Variants in FHIT observed in about 807,000 individuals in gnomAD.
FHIT encodes fragile histidine triad diadenosine triphosphatase.
In FHIT, 19 loss-of-function variants were observed where a neutral mutation model predicts 17.9. The observed-to-expected ratio is 1.06, with a 90% confidence interval of 0.74 to 1.56. The LOEUF (loss-of-function observed/expected upper bound fraction) is 1.56, where lower values mean the gene tolerates loss of function less well. Ranked by LOEUF, FHIT falls within the 40% of genes most tolerant of loss-of-function variation. The pLI, the probability that FHIT is intolerant of heterozygous loss-of-function variation, is 0.00. For missense variants in FHIT, 248 were observed against 189.2 expected, an observed-to-expected ratio of 1.31 and a Z score of -1.82; for synonymous variants, 81 against 69.7, an observed-to-expected ratio of 1.16 and a Z score of -0.81.
intron 8 of FHIT, among the ~76,000 whole-genome samples, chr3:59,859,676 G>A (rs779574539): frequency 1.3e-4 from 20 of 152,168 alleles, no homozygotes; most frequent in African/African-American, 4.1e-4. Flanking sequence ...GCTGAAGATC[G>A]CGTCACTGCA....
intron 5 of FHIT, among the ~76,000 whole-genome samples, chr3:60,141,694 T>A (rs1247949683): frequency 6.6e-6 from 1 of 152,314 alleles, no homozygotes; most frequent in East Asian, 1.9e-4. Context: ...ATCACTAAAA[T>A]GAATGTTTTG....
In FHIT at chr3:60,267,903, A is replaced by G. The variant is rs184276130; in HGVS notation, c.104-253751T>C. On this transcript the variant is annotated intron_variant, in intron 5 of 9. Coordinates refer to ENST00000492590, the MANE Select transcript of FHIT (RefSeq NM_002012.4). ...TAGTCTAAGAAGCTATTATGTGCAC[A>G]CATATTTGAAGGACATTTTTAAAAG... Among the ~76,000 whole-genome samples the G allele has an allele frequency of 5.8e-3, 889 of 152,296 alleles. 4 individuals carry two copies. Among genetic ancestry groups the G allele is most frequent in the Middle Eastern group, 0.02 (6 of 294 alleles).
intron 4 of FHIT, among the ~76,000 whole-genome samples, chr3:60,816,806 C>T (rs1030785862): frequency 1.2e-4 from 18 of 151,856 alleles, no homozygotes; most frequent in Non-Finnish European, 1.8e-4. Flanking sequence ...AGAATTGTAC[C>T]AGCTCTTCTT....
chr3:60,477,142 T>G (rs2033387252), intron 5 of FHIT, among the ~76,000 whole-genome samples: 1 of 152,140 alleles, frequency 6.6e-6, no homozygotes, highest in Non-Finnish European at 1.5e-5. Context: ...AAAGCAAGTC[T>G]GTCATTAACC....
intron 4 of FHIT, among the ~76,000 whole-genome samples, chr3:60,544,723 A>G (rs1419509077): frequency 1.3e-5 from 2 of 151,020 alleles, no homozygotes; most frequent in Non-Finnish European, 2.9e-5. Flanking sequence ...CAGCCTCCCA[A>G]GTAGCTGGGA....
At chr3:60,911,068 G>A (rs375027996) in intron 3 of FHIT, among the ~76,000 whole-genome samples, 12 of 152,288 alleles carry the variant, frequency 7.9e-5, no homozygotes, top group African/African-American at 2.6e-4. Context: ...GACTTTCAGA[G>A]TATCTATCAT....
chr3:60,791,889 T>C (rs1240043687), intron 4 of FHIT, among the ~76,000 whole-genome samples: 1 of 152,174 alleles, frequency 6.6e-6, no homozygotes, highest in African/African-American at 2.4e-5. Flanking sequence ...TAAAAAGACA[T>C]ATGTAAAAAG....
intron 5 of FHIT, among the ~76,000 whole-genome samples, chr3:60,087,298 T>C (rs1703536012): frequency 6.6e-6 from 1 of 152,144 alleles, no homozygotes; most frequent in African/African-American, 2.4e-5. Context: ...TGAAGATCTT[T>C]GAAATGCCTT....
At chr3:59,810,710 C>G (rs1404036246) in intron 8 of FHIT, among the ~76,000 whole-genome samples, 5 of 152,180 alleles carry the variant, frequency 3.3e-5, no homozygotes, top group African/African-American at 1.2e-4. Context: ...TATGCCTCTC[C>G]ACCCTCCCCC....
chr3:61,078,087 C>T (rs1258777114), intron 2 of FHIT, among the ~76,000 whole-genome samples: 1 of 152,056 alleles, frequency 6.6e-6, no homozygotes, highest in Non-Finnish European at 1.5e-5. Flanking sequence ...GCAGGGCCAG[C>T]GGGCAGTTGC....
intron 5 of FHIT, among the ~76,000 whole-genome samples, chr3:60,441,726 G>GTATTTATATATATA (rs1553772804): frequency 3.2e-5 from 2 of 63,056 alleles, no homozygotes; most frequent in East Asian, 6.7e-4. Flanking sequence ...ATATATATTT[G>GTATTTATATATATA]TATTTATATA....
intron 8 of FHIT, among the ~76,000 whole-genome samples, chr3:59,848,460 TA>T (rs1701805674): frequency 1.3e-5 from 2 of 152,286 alleles, no homozygotes; most frequent in South Asian, 4.1e-4. Flanking sequence ...CACAGACCTT[TA>T]ATAGCTCTTT....
intron 4 of FHIT, among the ~76,000 whole-genome samples, chr3:60,685,900 TCTTA>T (rs2040851888): frequency 6.6e-6 from 1 of 152,226 alleles, no homozygotes; most frequent in South Asian, 2.1e-4. Context: ...TTTATATTTA[TCTTA>T]CTATTTATGA....
intron 5 of FHIT, among the ~76,000 whole-genome samples, chr3:60,502,955 ACT>A (rs1235230254): frequency 1.3e-5 from 2 of 152,228 alleles, no homozygotes; most frequent in East Asian, 3.8e-4. Context: ...CATTAGTAAT[ACT>A]TGATGGTACT....
intron 5 of FHIT, among the ~76,000 whole-genome samples, chr3:60,303,923 G>A (rs983890073): frequency 6.6e-6 from 1 of 152,092 alleles, no homozygotes; most frequent in Non-Finnish European, 1.5e-5. Flanking sequence ...AGGAACACTG[G>A]TTCCTCTTAC....
At chr3:60,280,437 A>C (rs1368831035) in intron 5 of FHIT, among the ~76,000 whole-genome samples, 2 of 152,190 alleles carry the variant, frequency 1.3e-5, no homozygotes, top group Non-Finnish European at 2.9e-5. Flanking sequence ...TAAGGTGAGA[A>C]GATTACCCTA....
chr3:60,006,759 A>T (rs1699941538), intron 7 of FHIT, among the ~76,000 whole-genome samples: 1 of 152,124 alleles, frequency 6.6e-6, no homozygotes, highest in Non-Finnish European at 1.5e-5. Flanking sequence ...GGAACCTCTG[A>T]TGCCAAAGTA....
chr3:60,790,434 G>A (rs145685041), intron 4 of FHIT, among the ~76,000 whole-genome samples: 122 of 152,288 alleles, frequency 8.0e-4, no homozygotes, highest in Non-Finnish European at 1.5e-3. Flanking sequence ...TAGCCTCACT[G>A]ATAAATTTTC....
At chr3:60,894,173 A>G (rs1262830844) in intron 3 of FHIT, among the ~76,000 whole-genome samples, 3 of 152,200 alleles carry the variant, frequency 2.0e-5, no homozygotes, top group Non-Finnish European at 4.4e-5. Context: ...GGAAAGGATG[A>G]CATTCATTCT....
Sources: allele counts gnomAD v4.1 joint callset (sites outside exome capture counted in the v4.1 genomes callset), GRCh38; gene constraint gnomAD v4.1.1; transcripts MANE v1.5; gene names NCBI Gene and HGNC (gene_info 2026-07-23, HGNC 2026-07-21).